PPFIBP2: variants seen among roughly 807,000 people sequenced by gnomAD.
PPFIBP2 encodes PPFIB scaffold protein 2.
In PPFIBP2, 118 loss-of-function variants were observed where a neutral mutation model predicts 118.3. That is an observed-to-expected ratio of 1.00 (90% CI 0.86 to 1.16). The LOEUF (loss-of-function observed/expected upper bound fraction) is 1.16. Ranked by LOEUF, PPFIBP2 falls within the 50% of genes most tolerant of loss-of-function variation. The probability of loss-of-function intolerance (pLI) is 0.00; values close to 1 mark genes in which losing one functional copy is unlikely to be tolerated. For synonymous variants in PPFIBP2, 414 were observed against 397.4 expected, an observed-to-expected ratio of 1.04 and a Z score of -0.50; for missense variants, 1,195 against 1,073.1, an observed-to-expected ratio of 1.11 and a Z score of -1.59.
Position 7,633,045 on chromosome 11 carries a change from G to A in PPFIBP2, c.1136+111G>A, listed in dbSNP as rs1388229352. On this transcript the variant is annotated intron_variant, in intron 12 of 23. Coordinates refer to ENST00000299492, the MANE Select transcript of PPFIBP2 (RefSeq NM_003621.5). The stretch of plus-strand genomic sequence containing the variant: ...GGTGAGCATGGCCACTGAGTCCTAG[G>A]TGCACCTGCCCCTCTGTTGTTAGGG... 4 of 946,530 alleles carry A rather than the reference G, an allele frequency of 4.2e-6. No individual in the cohort carries two copies. The African/African-American group carries it at 6.4e-5, about 15-fold the overall frequency. 58.6% of individuals were successfully genotyped at this position (946,530 alleles called of 1,614,324 possible).
chr11:7,646,873 TC>T (rs1166182876), intron 17 of PPFIBP2, among the ~76,000 whole-genome samples: 1 of 152,254 alleles, frequency 6.6e-6, no homozygotes, highest in Non-Finnish European at 1.5e-5. Context: ...GATTTTTTTT[TC>T]AGTTTTGCAA....
intron 5 of PPFIBP2, chr11:7,606,102 G>T: frequency 7.0e-7 from 1 of 1,418,924 alleles, no homozygotes; most frequent in South Asian, 1.4e-5. Context: ...TATAAGTGAA[G>T]AGCACTGTCT....
At position 7,651,818 on chromosome 11, in the gene PPFIBP2, C is replaced by G. The variant is rs77975665; in HGVS notation, c.2410C>G (p.Pro804Ala). The change falls in exon 23 of 24, where the codon CCA becomes GCA. Residue 804 changes from proline (P) to alanine (A), a missense_variant. Coordinates refer to ENST00000299492, the MANE Select transcript of PPFIBP2 (RefSeq NM_003621.5). ...REKMASPAYTPLTTTAKVRPR... is the reference protein window; with the variant it reads ...REKMASPAYTALTTTAKVRPR... ...GAAAATGGCCTCACCAGCTTACACA[C>G]CACTGACCACCACAGCCAAAGTCCG... 31,692 of 1,611,206 alleles carry G rather than the reference C, an allele frequency of 0.02. 2,594 individuals are homozygous for G. In the African/African-American group the frequency reaches 0.24, roughly 12 times the overall value.
intron 3 of PPFIBP2, among the ~76,000 whole-genome samples, chr11:7,586,353 T>C (rs4758002): frequency 0.64 from 97,408 of 152,100 alleles, 32,183 homozygotes; most frequent in African/African-American, 0.81. Context: ...TCTAACTGAA[T>C]GTTGGTCTTT....
At chr11:7,535,152 G>C (rs1467809480) in intron 1 of PPFIBP2, among the ~76,000 whole-genome samples, 2 of 152,214 alleles carry the variant, frequency 1.3e-5, no homozygotes, top group Non-Finnish European at 2.9e-5. Flanking sequence ...TCCTCCCATT[G>C]GGTCTTGCCC....
At chr11:7,544,811 C>T (rs1852161883) in intron 1 of PPFIBP2, among the ~76,000 whole-genome samples, 1 of 149,696 alleles carries the variant, frequency 6.7e-6, no homozygotes, top group African/African-American at 2.5e-5. Flanking sequence ...TACTTCCCAC[C>T]ATCTGCTTAG....
chr11:7,642,570 T>A (rs1038514810), intron 17 of PPFIBP2, 144 bp downstream of exon 17: 1 of 908,326 alleles, frequency 1.1e-6, no homozygotes, highest in Non-Finnish European at 1.6e-6. Context: ...GTCCCTACAG[T>A]ACGTCATTTC....
chr11:7,610,151 C>G, intron 5 of PPFIBP2, 140 bp from the exon 6 acceptor site: 1 of 1,093,900 alleles, frequency 9.1e-7, no homozygotes. Flanking sequence ...CCATAATAGG[C>G]CTGTGACTCT....
At chr11:7,644,735 A>C (rs1372798905) in intron 17 of PPFIBP2, among the ~76,000 whole-genome samples, 16 of 152,126 alleles carry the variant, frequency 1.1e-4, no homozygotes, top group South Asian at 2.1e-4. Context: ...TTGCCTAAAA[A>C]AGGTATTTTA....
chr11:7,616,467 G>GTCC lies in PPFIBP2; in HGVS notation c.619-4466_619-4465insCTC, dbSNP rs1217682272. Among the ~76,000 whole-genome samples, 1 of 152,190 alleles carries GTCC rather than the reference G, an allele frequency of 6.6e-6. No homozygotes were observed. The highest frequency in any genetic ancestry group is 2.4e-5 in the African/African-American group (1 of 41,446). On this transcript the variant is annotated intron_variant, in intron 6 of 23. Transcript: ENST00000299492. This position sits in a 1 kb window ranked among gnomAD's most constrained non-coding sequence, Gnocchi z 5.2. ...TCCGTGTCCTCAAGGAGTGAGTCTC[G>GTCC]TCAGATTGGCCTTATCGGTTTGGCC...
intron 6 of PPFIBP2, among the ~76,000 whole-genome samples, chr11:7,612,818 A>G (rs1044401998): frequency 1.3e-5 from 2 of 152,232 alleles, no homozygotes; most frequent in Non-Finnish European, 2.9e-5. Context: ...GTAATTGCAC[A>G]TAATCTTTGC....
At chr11:7,633,506 T>C (rs1441701592) in intron 12 of PPFIBP2, among the ~76,000 whole-genome samples, 2 of 152,138 alleles carry the variant, frequency 1.3e-5, no homozygotes, top group Admixed American at 1.3e-4. Context: ...TTGAGCCCCA[T>C]GTAAGGGAGA....
chr11:7,573,264 A>G (rs983862015), intron 3 of PPFIBP2, among the ~76,000 whole-genome samples: 11 of 152,140 alleles, frequency 7.2e-5, no homozygotes, highest in Admixed American at 5.9e-4. Context: ...TTCATTCTGG[A>G]TGGGGAAGCA....
downstream of PPFIBP2, chr11:7,656,879 C>G: frequency 9.4e-7 from 1 of 1,059,062 alleles, no homozygotes; most frequent in South Asian, 1.3e-5. Flanking sequence ...GGCACACAGC[C>G]CCCTCTGCAA....
intron 1 of PPFIBP2, chr11:7,538,389 C>A (rs983834514): frequency 1.3e-5 from 2 of 152,588 alleles, no homozygotes; most frequent in African/African-American, 4.8e-5. Flanking sequence ...TCTTTGCCTT[C>A]TTTAGAGGAC....
In PPFIBP2 at chr11:7,630,643, G is replaced by A. The variant is rs1025315542; in HGVS notation, c.965-282G>A. Among the ~76,000 whole-genome samples the A allele has an allele frequency of 3.3e-5, 5 of 152,310 alleles. No individual in the cohort carries two copies. In the South Asian group the frequency reaches 1.0e-3, roughly 32 times the overall value. On this transcript the variant is annotated intron_variant, in intron 10 of 23. Coordinates refer to ENST00000299492, the MANE Select transcript of PPFIBP2 (RefSeq NM_003621.5). ...CCATCTTTTTAAGATCATGGGTCAA[G>A]TCACTCTCAGGGCCTTGATTGCCTA... is the stretch of plus-strand genomic sequence containing the variant.
chr11:7,666,313 T>G, the PPFIBP2 span: 6 of 629,870 alleles, frequency 9.5e-6, no homozygotes, highest in Non-Finnish European at 1.7e-5. Context: ...ACATTTCCCA[T>G]CTGGAGCCAG....
intron 2 of PPFIBP2, among the ~76,000 whole-genome samples, chr11:7,554,337 A>T (rs1409281562): frequency 6.6e-6 from 1 of 152,242 alleles, no homozygotes; most frequent in Non-Finnish European, 1.5e-5. Context: ...GTATTCAGTG[A>T]TCACTAGTAA....
intron 17 of PPFIBP2, among the ~76,000 whole-genome samples, chr11:7,642,787 C>T (rs1038054481): frequency 5.3e-5 from 8 of 152,156 alleles, no homozygotes; most frequent in African/African-American, 1.4e-4. Context: ...TTCAGATGTC[C>T]GTTCTCAGAA....
Sources: gnomAD v4.1 joint callset for allele counts (sites outside exome capture counted in the v4.1 genomes callset) on GRCh38, gnomAD v4.1.1 for gene constraint, Gnocchi (gnomAD v3.1) non-coding constraint, MANE v1.5 for transcripts, NCBI Gene and HGNC (gene_info 2026-07-23, HGNC 2026-07-21) for gene names.